FOXP2: variants seen among roughly 807,000 people sequenced by gnomAD.
The protein encoded by FOXP2 is forkhead box P2, also known as forkhead box protein P2.
A neutral mutation model predicts 115.8 loss-of-function variants in FOXP2; 12 were observed. The ratio of observed to expected loss-of-function variants is 0.10; its 90% CI spans 0.07 to 0.17. The LOEUF is 0.17. FOXP2 is among the 10% of genes least tolerant of loss of function. The probability of loss-of-function intolerance (pLI) is 1.00; values close to 1 mark genes in which losing one functional copy is unlikely to be tolerated. For synonymous variants in FOXP2, 328 were observed against 297.7 expected, an observed-to-expected ratio of 1.10 and a Z score of -1.05; for missense variants, 629 against 843.5, an observed-to-expected ratio of 0.75 and a Z score of 3.15.
chr7:114,380,498 G>A lies in FOXP2; in HGVS notation c.-10-46004G>A, dbSNP rs564218760. On this transcript the variant is annotated intron_variant, in intron 2 of 17. Coordinates refer to the FOXP2 transcript ENST00000634411. ...TTCCATTAGTATACAAGTTGAGGTC[G>A]GGATCAGTCAAGGGAACCTCTAAAA... Among the ~76,000 whole-genome samples the A allele has an allele frequency of 4.3e-4, 65 of 152,194 alleles. No individual in the cohort carries two copies. The South Asian group carries it at 7.3e-3, about 17-fold the overall frequency.
chr7:114,218,518 T>C (rs1294496872), intron 1 of FOXP2, among the ~76,000 whole-genome samples: 1 of 152,108 alleles, frequency 6.6e-6, no homozygotes. Flanking sequence ...TTTTACACAG[T>C]GGGAGAGACT....
At chr7:114,470,161 G>C (rs1241170770) in intron 2 of FOXP2, among the ~76,000 whole-genome samples, 1 of 152,136 alleles carries the variant, frequency 6.6e-6, no homozygotes, top group East Asian at 1.9e-4. Context: ...CTGGCTCCCT[G>C]CATGGCCCCT....
chr7:114,473,466 C>T (rs927682153), intron 2 of FOXP2, among the ~76,000 whole-genome samples: 4 of 152,116 alleles, frequency 2.6e-5, no homozygotes, highest in Non-Finnish European at 1.5e-5. Flanking sequence ...ATATATTCTA[C>T]AAAACGAGTG....
At chr7:114,500,193 G>A (rs1466364232) in intron 2 of FOXP2, among the ~76,000 whole-genome samples, 1 of 147,278 alleles carries the variant, frequency 6.8e-6, no homozygotes, top group East Asian at 2.0e-4. Context: ...TCCAGTCTGG[G>A]CGACAGAGCA....
intron 16 of FOXP2, chr7:114,665,232 C>T (rs1009600135): frequency 7.9e-5 from 12 of 151,932 alleles, no homozygotes; most frequent in African/African-American, 2.7e-4. Flanking sequence ...AATGTATTGA[C>T]CGTGGTAGAA....
chr7:114,421,561 A>G (rs565486903), intron 1 of FOXP2, among the ~76,000 whole-genome samples: 1 of 151,774 alleles, frequency 6.6e-6, no homozygotes, highest in African/African-American at 2.4e-5. Flanking sequence ...TTAAATAAGT[A>G]AAAAGTAGTA....
chr7:114,186,160 A>G (rs1391148176), intron 1 of FOXP2, among the ~76,000 whole-genome samples: 1 of 152,162 alleles, frequency 6.6e-6, no homozygotes, highest in African/African-American at 2.4e-5. Flanking sequence ...TTCAAACCAT[A>G]GAATCTCATC....
At chr7:114,462,667 G>A (rs1170584825) in intron 2 of FOXP2, among the ~76,000 whole-genome samples, 1 of 152,012 alleles carries the variant, frequency 6.6e-6, no homozygotes, top group Non-Finnish European at 1.5e-5. Flanking sequence ...CACCGCGCCC[G>A]GCTTCTCAGC....
At chr7:114,514,676 A>C (rs1798241274) in intron 2 of FOXP2, among the ~76,000 whole-genome samples, 1 of 151,238 alleles carries the variant, frequency 6.6e-6, no homozygotes, top group Non-Finnish European at 1.5e-5. Flanking sequence ...TCTTTTTTAC[A>C]TTCAATTTAT....
At chr7:114,190,132 G>A (rs1028473241) in intron 1 of FOXP2, among the ~76,000 whole-genome samples, 1 of 152,264 alleles carries the variant, frequency 6.6e-6, no homozygotes, top group Admixed American at 6.5e-5. Flanking sequence ...CTCACTGAAT[G>A]AAACTAAGTT....
intron 2 of FOXP2, among the ~76,000 whole-genome samples, chr7:114,480,632 C>A (rs1453089192): frequency 6.7e-6 from 1 of 149,494 alleles, no homozygotes; most frequent in Non-Finnish European, 1.5e-5. Context: ...TACATGTATA[C>A]ATATGTATAT....
At chr7:114,445,031 A>G (rs1311289984) in intron 2 of FOXP2, among the ~76,000 whole-genome samples, 3 of 151,424 alleles carry the variant, frequency 2.0e-5, no homozygotes, top group Non-Finnish European at 4.4e-5. Context: ...TAAAGTTTCC[A>G]TTTTTTTAGA....
chr7:114,187,802 T>A (rs1241728171), intron 1 of FOXP2, among the ~76,000 whole-genome samples: 1 of 152,158 alleles, frequency 6.6e-6, no homozygotes, highest in Admixed American at 6.5e-5. Flanking sequence ...ATTTATTGAC[T>A]CACAGTTCTT....
At chr7:114,494,750 G>A (rs1042790002) in intron 2 of FOXP2, among the ~76,000 whole-genome samples, 1 of 151,934 alleles carries the variant, frequency 6.6e-6, no homozygotes, top group Non-Finnish European at 1.5e-5. Flanking sequence ...TAATATCTCT[G>A]TTAACAAAGA....
At chr7:114,187,240 A>G (rs1793631281) in intron 1 of FOXP2, among the ~76,000 whole-genome samples, 1 of 152,124 alleles carries the variant, frequency 6.6e-6, no homozygotes, top group Non-Finnish European at 1.5e-5. Flanking sequence ...CCATCTTTAA[A>G]TTATTTCTCT....
chr7:114,632,705 C>A (rs1462861891), intron 6 of FOXP2, among the ~76,000 whole-genome samples: 1 of 152,148 alleles, frequency 6.6e-6, no homozygotes, highest in East Asian at 1.9e-4. Context: ...TTTTTTCCCC[C>A]TGGTTTTCCT....
At chr7:114,263,808 C>G (rs1297695390) in intron 1 of FOXP2, among the ~76,000 whole-genome samples, 1 of 151,628 alleles carries the variant, frequency 6.6e-6, no homozygotes, top group Non-Finnish European at 1.5e-5. Flanking sequence ...AACAGTTATA[C>G]TGGTATACAC....
intron 3 of FOXP2, among the ~76,000 whole-genome samples, chr7:114,611,010 G>GAT (rs1256076838): frequency 1.3e-5 from 2 of 152,088 alleles, no homozygotes; most frequent in African/African-American, 4.8e-5. Context: ...AATAATTTGA[G>GAT]ATAAAACGTG....
chr7:114,615,727 G>A (rs1803910853), intron 3 of FOXP2, among the ~76,000 whole-genome samples: 1 of 152,144 alleles, frequency 6.6e-6, no homozygotes, highest in South Asian at 2.1e-4. Flanking sequence ...TCTTTTGTTA[G>A]AATATAAAGA....
Sources: gnomAD v4.1 joint callset for allele counts (sites outside exome capture counted in the v4.1 genomes callset) on GRCh38, gnomAD v4.1.1 for gene constraint, MANE v1.5 for transcripts, NCBI Gene and HGNC (gene_info 2026-07-23, HGNC 2026-07-21) for gene names.